The following ABTB3 variants were observed in gnomAD, a reference collection of about 807,000 sequenced individuals.
The protein encoded by ABTB3 is ankyrin repeat- and BTB/POZ domain-containing protein 3.
the ABTB3 span, among the ~76,000 whole-genome samples, chr12:107,414,073 G>A: frequency 3.3e-5 from 5 of 152,134 alleles, no homozygotes; most frequent in Admixed American, 6.5e-5. Flanking sequence ...AGTAAGAGGT[G>A]GTGAGGACAG....
chr12:107,322,065 G>C, the ABTB3 span, among the ~76,000 whole-genome samples: 1 of 152,174 alleles, frequency 6.6e-6, no homozygotes, highest in Non-Finnish European at 1.5e-5. Flanking sequence ...TACACCCCCA[G>C]GTCCTCTTGT....
the ABTB3 span, among the ~76,000 whole-genome samples, chr12:107,489,966 A>T: frequency 6.6e-6 from 1 of 152,012 alleles, no homozygotes; most frequent in Admixed American, 6.6e-5. Flanking sequence ...GTGTTACAAG[A>T]CTCCTTTACA....
the ABTB3 span, among the ~76,000 whole-genome samples, chr12:107,416,307 T>C: frequency 6.6e-6 from 1 of 152,164 alleles, no homozygotes; most frequent in Non-Finnish European, 1.5e-5. Flanking sequence ...TCCTTCCTTT[T>C]ATTGAGCACC....
the ABTB3 span, chr12:107,581,253 A>G: frequency 6.6e-7 from 1 of 1,516,758 alleles, no homozygotes; most frequent in Non-Finnish European, 8.8e-7. Flanking sequence ...GACGTCCGCC[A>G]GGCGGCCCGG....
chr12:107,319,194 A>T, the ABTB3 span: 2 of 1,595,350 alleles, frequency 1.3e-6, no homozygotes, highest in Non-Finnish European at 1.7e-6. Context: ...TGCGCCGGCC[A>T]GCACTGCTCG....
the ABTB3 span, among the ~76,000 whole-genome samples, chr12:107,403,348 T>G: frequency 6.6e-6 from 1 of 152,104 alleles, no homozygotes; most frequent in African/African-American, 2.4e-5. Context: ...GAAAATGTAA[T>G]GGGTTGTTTC....
chr12:107,389,142 G>C, the ABTB3 span, among the ~76,000 whole-genome samples: 1 of 152,194 alleles, frequency 6.6e-6, no homozygotes, highest in Non-Finnish European at 1.5e-5. Context: ...TTGAATACTT[G>C]AGGTTGGAAA....
At chr12:107,592,841 T>G in the ABTB3 span, among the ~76,000 whole-genome samples, 2 of 152,222 alleles carry the variant, frequency 1.3e-5, no homozygotes, top group African/African-American at 4.8e-5. Flanking sequence ...TAAGCCTTTA[T>G]TATTTCAATT....
chr12:107,576,384 C>A, the ABTB3 span, among the ~76,000 whole-genome samples: 1 of 152,348 alleles, frequency 6.6e-6, no homozygotes, highest in East Asian at 1.9e-4. Context: ...AGCCCCAGAT[C>A]AAGCTGCTGG....
At chr12:107,463,290 G>T in the ABTB3 span, among the ~76,000 whole-genome samples, 31 of 151,874 alleles carry the variant, frequency 2.0e-4, no homozygotes, top group East Asian at 5.6e-3. Flanking sequence ...CAGTGATGAT[G>T]ATGGTGGTGG....
the ABTB3 span, among the ~76,000 whole-genome samples, chr12:107,653,192 G>A: frequency 6.6e-6 from 1 of 152,180 alleles, no homozygotes; most frequent in African/African-American, 2.4e-5. Context: ...CAGTGCACGT[G>A]AATGACGCTC....
At chr12:107,595,858 A>T in the ABTB3 span, among the ~76,000 whole-genome samples, 8 of 152,256 alleles carry the variant, frequency 5.3e-5, 1 homozygote, top group Admixed American at 5.2e-4. Flanking sequence ...ACATATATTT[A>T]TATACATATA....
chr12:107,334,556 C>T, the ABTB3 span, among the ~76,000 whole-genome samples: 2 of 152,022 alleles, frequency 1.3e-5, no homozygotes, highest in Non-Finnish European at 2.9e-5. Context: ...ATGCAAAGTT[C>T]GAGGTATCTT....
chr12:107,478,616 G>A, the ABTB3 span, among the ~76,000 whole-genome samples: 1 of 152,150 alleles, frequency 6.6e-6, no homozygotes, highest in South Asian at 2.1e-4. Flanking sequence ...TAAATGATGA[G>A]GCAATGTCTT....
At chr12:107,442,552 A>G in the ABTB3 span, among the ~76,000 whole-genome samples, 1 of 152,338 alleles carries the variant, frequency 6.6e-6, no homozygotes, top group South Asian at 2.1e-4. Flanking sequence ...GGAAACAGAG[A>G]TGTAAGTAAA....
chr12:107,398,872 T>C, the ABTB3 span, among the ~76,000 whole-genome samples: 1 of 152,134 alleles, frequency 6.6e-6, no homozygotes, highest in African/African-American at 2.4e-5. Flanking sequence ...AGTAAACCAG[T>C]AAGAGTGCTG....
chr12:107,423,605 G>C, the ABTB3 span, among the ~76,000 whole-genome samples: 1 of 152,190 alleles, frequency 6.6e-6, no homozygotes, highest in East Asian at 1.9e-4. Context: ...ATGAGAAAAA[G>C]CAGGGGACGT....
At chr12:107,591,754 C>A in the ABTB3 span, among the ~76,000 whole-genome samples, 1 of 152,188 alleles carries the variant, frequency 6.6e-6, no homozygotes, top group Admixed American at 6.5e-5. Flanking sequence ...CAATCAAGAG[C>A]CTGCATGGAT....
At chr12:107,437,109 A>G in the ABTB3 span, among the ~76,000 whole-genome samples, 1 of 152,188 alleles carries the variant, frequency 6.6e-6, no homozygotes, top group Admixed American at 6.5e-5. Context: ...CCATAGCTTA[A>G]TGTCCTCTGA....
Sources: gnomAD v4.1 joint callset for allele counts (sites outside exome capture counted in the v4.1 genomes callset) on GRCh38, gnomAD v4.1.1 for gene constraint, MANE v1.5 for transcripts, NCBI Gene and HGNC (gene_info 2026-07-23, HGNC 2026-07-21) for gene names.